Variants in RFX8 observed in about 807,000 individuals in gnomAD.
The protein encoded by RFX8 is regulatory factor X8.
In RFX8, 46 loss-of-function variants were observed where a neutral mutation model predicts 54.6. The observed-to-expected ratio is 0.84, with a 90% CI of 0.67 to 1.08. The LOEUF (loss-of-function observed/expected upper bound fraction) is 1.08. Among genes scored for constraint, RFX8 ranks in the 50% least tolerant of loss-of-function variants. The pLI is 0.00. For synonymous variants in RFX8, 192 were observed against 209.5 expected (o/e 0.92, Z 0.72); for missense variants, 536 against 562.3 (o/e 0.95, Z 0.47).
intron 2 of RFX8, among the ~76,000 whole-genome samples, chr2:101,435,331 G>A (rs1687719120): frequency 1.3e-5 from 2 of 152,210 alleles, no homozygotes; most frequent in Non-Finnish European, 2.9e-5. Flanking sequence ...GTTTCGGGAG[G>A]GATGAGGGCG....
Sources: allele counts gnomAD v4.1 joint callset (sites outside exome capture counted in the v4.1 genomes callset), GRCh38; gene constraint gnomAD v4.1.1; transcripts MANE v1.5; gene names NCBI Gene and HGNC (gene_info 2026-07-23, HGNC 2026-07-21).